SEMA3D: variants seen among roughly 807,000 people sequenced by gnomAD.
The protein encoded by SEMA3D is semaphorin-3D.
In SEMA3D, 84 loss-of-function variants were observed where a neutral mutation model predicts 100.1. That is an observed-to-expected ratio of 0.84 (90% confidence interval 0.70 to 1.01). The LOEUF (loss-of-function observed/expected upper bound fraction) is 1.01, where lower values mean the gene tolerates loss of function less well. Among genes scored for constraint, SEMA3D ranks in the 50% least tolerant of loss-of-function variants. The pLI, the probability that SEMA3D is intolerant of heterozygous loss-of-function variation, is 0.00. For synonymous variants in SEMA3D, 312 were observed against 320.7 expected (o/e 0.97, Z 0.29); for missense variants, 875 against 934.1 (o/e 0.94, Z 0.82).
intron 2 of SEMA3D, among the ~76,000 whole-genome samples, chr7:85,129,076 G>C (rs1359025734): frequency 6.6e-6 from 1 of 151,308 alleles, no homozygotes; most frequent in Non-Finnish European, 1.5e-5. Flanking sequence ...TGTAGAGATA[G>C]GGTCTCACTA....
At chr7:85,192,574 C>T in the SEMA3D span, among the ~76,000 whole-genome samples, 4 of 151,972 alleles carry the variant, frequency 2.6e-5, no homozygotes, top group African/African-American at 9.7e-5. Context: ...TCAAAGTGCC[C>T]AATTTAACGT....
chr7:85,116,179 T>G (rs557402189), intron 3 of SEMA3D, among the ~76,000 whole-genome samples: 4 of 150,014 alleles, frequency 2.7e-5, no homozygotes, highest in African/African-American at 4.9e-5. Context: ...GAGAGAGAGA[T>G]ATATAAAACT....
At chr7:85,051,939 C>T (rs116801576) in intron 9 of SEMA3D, among the ~76,000 whole-genome samples, 4,017 of 151,842 alleles carry the variant, frequency 0.026, 180 homozygotes, top group African/African-American at 0.09. Context: ...ATGAGTCATG[C>T]CAGTCATATT....
At chr7:85,012,026 C>A (rs1562782091) in intron 17 of SEMA3D, among the ~76,000 whole-genome samples, 2 of 151,602 alleles carry the variant, frequency 1.3e-5, no homozygotes, top group Non-Finnish European at 2.9e-5. Flanking sequence ...AAAGTAGCTG[C>A]AGCTCTGGAA....
At chr7:85,094,697 C>A (rs1270313042) in intron 4 of SEMA3D, among the ~76,000 whole-genome samples, 1 of 151,866 alleles carries the variant, frequency 6.6e-6, no homozygotes, top group Non-Finnish European at 1.5e-5. Context: ...TCTGATTGTT[C>A]CATTTTGATC....
intron 2 of SEMA3D, among the ~76,000 whole-genome samples, chr7:85,127,287 C>A (rs778446818): frequency 6.6e-6 from 1 of 152,022 alleles, no homozygotes. Context: ...TATTTTGTAG[C>A]GGTTTAAACA....
intron 9 of SEMA3D, among the ~76,000 whole-genome samples, chr7:85,046,402 A>G (rs886077041): frequency 2.0e-4 from 31 of 152,030 alleles, no homozygotes; most frequent in African/African-American, 6.5e-4. Flanking sequence ...AACCTGACCA[A>G]AAAATAGAAA....
chr7:85,210,819 T>C, the SEMA3D span, among the ~76,000 whole-genome samples: 1 of 152,068 alleles, frequency 6.6e-6, no homozygotes, highest in African/African-American at 2.4e-5. Context: ...GTAAGTAATA[T>C]ACAATATTCA....
At chr7:85,220,833 G>A in the SEMA3D span, among the ~76,000 whole-genome samples, 2 of 152,106 alleles carry the variant, frequency 1.3e-5, no homozygotes, top group Non-Finnish European at 2.9e-5. Context: ...CTCTTAAACT[G>A]ATGGTACAAT....
chr7:85,068,213 C>G lies in SEMA3D; in HGVS notation c.567G>C (p.Gln189His). 6.2e-7 allele frequency: 1 copy of G among 1,603,956 alleles called. No individual in the cohort carries two copies. Among genetic ancestry groups the G allele is most frequent in the Non-Finnish European group, 8.5e-7 (1 of 1,170,926 alleles). ...GRLKCPFDPQ[Q>H]PFASVMTDEY... Reference sequence around the variant, plus strand: ...TACCTGTCATTACTGAAGCAAAAGGCTGCTGAGGATCGAAAGGACATTTCA... The same window carrying G: ...TACCTGTCATTACTGAAGCAAAAGGGTGCTGAGGATCGAAAGGACATTTCA... Residue 189 changes from glutamine (Q) to histidine (H), a missense_variant, in exon 7 of 19, where the codon CAG (glutamine) becomes CAC (histidine). Coordinates refer to ENST00000284136, the MANE Select transcript of SEMA3D (RefSeq NM_001384900.1).
At chr7:85,189,002 G>A (rs1450115653), upstream of SEMA3D, among the ~76,000 whole-genome samples, 1 of 152,124 alleles carries the variant, frequency 6.6e-6, no homozygotes, top group Admixed American at 6.5e-5. Context: ...GTATTGTACT[G>A]ATTTAGTTTG....
intron 3 of SEMA3D, among the ~76,000 whole-genome samples, chr7:85,102,351 T>A (rs763702757): frequency 6.6e-6 from 1 of 151,984 alleles, no homozygotes; most frequent in Non-Finnish European, 1.5e-5. Context: ...GTGTGACCTG[T>A]GTCAGGGCAA....
At chr7:85,012,340 G>T (rs1789977890) in intron 17 of SEMA3D, among the ~76,000 whole-genome samples, 1 of 151,716 alleles carries the variant, frequency 6.6e-6, no homozygotes, top group South Asian at 2.1e-4. Flanking sequence ...GTGAATATAT[G>T]ATTTGATAGG....
intron 4 of SEMA3D, among the ~76,000 whole-genome samples, chr7:85,084,992 G>C (rs990717648): frequency 4.6e-5 from 7 of 151,930 alleles, no homozygotes; most frequent in African/African-American, 1.7e-4. Context: ...TTTATGGCTG[G>C]GTAGTATTCC....
chr7:85,036,781 G>A, intron 12 of SEMA3D, 108 bp downstream of exon 12: 2 of 825,858 alleles, frequency 2.4e-6, no homozygotes, highest in East Asian at 2.8e-5. Context: ...GCAAATAAAT[G>A]TTATTACAGC....
At chr7:85,208,698 T>C in the SEMA3D span, among the ~76,000 whole-genome samples, 3 of 152,042 alleles carry the variant, frequency 2.0e-5, no homozygotes, top group African/African-American at 7.2e-5. Flanking sequence ...ACCTGCTCCA[T>C]CGGATCTCTC....
At chr7:85,214,776 G>A in the SEMA3D span, among the ~76,000 whole-genome samples, 348 of 152,228 alleles carry the variant, frequency 2.3e-3, no homozygotes, top group Non-Finnish European at 3.5e-3. Flanking sequence ...GATTACAGGC[G>A]TGAGCCACCG....
intron 12 of SEMA3D, among the ~76,000 whole-genome samples, chr7:85,026,767 T>C (rs2115880389): frequency 6.6e-6 from 1 of 152,214 alleles, no homozygotes; most frequent in South Asian, 2.1e-4. Flanking sequence ...ATACATATAT[T>C]CTGAGAACCA....
the SEMA3D span, among the ~76,000 whole-genome samples, chr7:85,247,676 C>T: frequency 1.3e-3 from 198 of 152,066 alleles, 1 homozygote; most frequent in African/African-American, 4.5e-3. Flanking sequence ...ATCAAGGCAA[C>T]GTAACATTGG....
Sources: allele counts gnomAD v4.1 joint callset (sites outside exome capture counted in the v4.1 genomes callset), GRCh38; gene constraint gnomAD v4.1.1; transcripts MANE v1.5; gene names NCBI Gene and HGNC (gene_info 2026-07-23, HGNC 2026-07-21).